CALCRL: variants seen among roughly 807,000 people sequenced by gnomAD.
CALCRL encodes calcitonin gene-related peptide type 1 receptor.
Under a neutral mutation model 60.4 loss-of-function variants are expected in CALCRL, and 27 were observed. That is an observed-to-expected ratio of 0.45 (90% confidence interval 0.33 to 0.62). CALCRL has a LOEUF of 0.62. Ranked by LOEUF, CALCRL falls within the 20% of genes least tolerant of loss-of-function variation. CALCRL has a pLI of 0.03. For missense variants in CALCRL, 424 were observed against 540.7 expected, an observed-to-expected ratio of 0.78 and a Z score of 2.14; for synonymous variants, 190 against 182.6, an observed-to-expected ratio of 1.04 and a Z score of -0.33.
Position 187,351,005 on chromosome 2 carries a change from G to A in CALCRL, c.1170+915C>T, listed in dbSNP as rs200074562. ...ATTTGTATGCATAAGAAATATGTTG[G>A]CTGGGCGCGGTGGCTCACGCCTGTA... On this transcript the variant is annotated intron_variant, in intron 14 of 14. Coordinates refer to ENST00000392370, the MANE Select transcript of CALCRL (RefSeq NM_005795.6). Among the ~76,000 whole-genome samples the A allele has an allele frequency of 5.9e-4, 2 of 3,400 alleles. 1 individual carries two copies. The highest frequency in any genetic ancestry group is 4.6e-3 in the African/African-American group (2 of 434). 2.2% of individuals were successfully genotyped at this position (3,400 alleles called of 152,430 possible).
chr2:187,377,994 G>A (rs2105774029), intron 8 of CALCRL, among the ~76,000 whole-genome samples: 1 of 151,616 alleles, frequency 6.6e-6, no homozygotes, highest in Middle Eastern at 3.4e-3. Flanking sequence ...GGAAGTTGGA[G>A]GAAGAAGGAG....
At chr2:187,352,710 G>A (rs910393570) in intron 12 of CALCRL, among the ~76,000 whole-genome samples, 31 of 151,820 alleles carry the variant, frequency 2.0e-4, no homozygotes, top group Non-Finnish European at 2.9e-5. Flanking sequence ...ATGGAAAAAT[G>A]CTAATTTTTA....
intron 14 of CALCRL, 115 bp from the exon 15 acceptor site, chr2:187,346,514 T>G: frequency 1.5e-6 from 1 of 673,176 alleles, no homozygotes; most frequent in Non-Finnish European, 2.5e-6. Context: ...TAAAAAAAGT[T>G]ATGTTAATCA....
intron 1 of CALCRL, among the ~76,000 whole-genome samples, chr2:187,402,959 T>C (rs1559063393): frequency 6.6e-6 from 1 of 151,558 alleles, no homozygotes; most frequent in Non-Finnish European, 1.5e-5. Flanking sequence ...AACATCCTTA[T>C]GAAAAGAGAA....
intron 8 of CALCRL, among the ~76,000 whole-genome samples, chr2:187,371,597 G>A (rs1687521582): frequency 6.6e-6 from 1 of 152,096 alleles, no homozygotes; most frequent in Non-Finnish European, 1.5e-5. Context: ...ATAGTTAGCT[G>A]TGTTTAAATA....
At chr2:187,396,816 A>T (rs1291776701) in intron 1 of CALCRL, among the ~76,000 whole-genome samples, 1 of 151,816 alleles carries the variant, frequency 6.6e-6, no homozygotes, top group East Asian at 1.9e-4. Flanking sequence ...ATATCGTCTC[A>T]CTGGTTAATG....
At chr2:187,407,832 C>T (rs1359562291) in intron 1 of CALCRL, among the ~76,000 whole-genome samples, 3 of 151,988 alleles carry the variant, frequency 2.0e-5, no homozygotes, top group Admixed American at 6.6e-5. Context: ...TTTAACTAAA[C>T]CTGGGGATTA....
intron 8 of CALCRL, among the ~76,000 whole-genome samples, chr2:187,375,298 A>G (rs944502375): frequency 6.8e-6 from 1 of 145,994 alleles, no homozygotes; most frequent in South Asian, 2.2e-4. Flanking sequence ...AAAAAAAAAA[A>G]TTGAGTTATG....
At chr2:187,357,203 C>T (rs920809656) in intron 12 of CALCRL, among the ~76,000 whole-genome samples, 2 of 151,960 alleles carry the variant, frequency 1.3e-5, no homozygotes, top group Non-Finnish European at 2.9e-5. Flanking sequence ...CACATGTACA[C>T]GTATGTTTTC....
At chr2:187,425,665 G>A (rs1049152408) in intron 1 of CALCRL, among the ~76,000 whole-genome samples, 1 of 151,994 alleles carries the variant, frequency 6.6e-6, no homozygotes, top group East Asian at 1.9e-4. Flanking sequence ...ATTGATAAAC[G>A]TATTTTAAGT....
In CALCRL at chr2:187,359,095, T is replaced by G; in HGVS notation, c.877A>C (p.Ile293Leu). The part of the protein sequence containing the change: ...WISSDTHLLY[I>L]IHGPICAALL... ...GCAGCACAAATTGGGCCATGGATAA[T>G]GTAGAGGAGATGGGTATCAGAACTG... Residue 293 changes from isoleucine (I) to leucine (L), a missense_variant, in exon 12 of 15, where the codon ATT becomes CTT. By Grantham distance (5) the Ile-to-Leu change is conservative. This residue lies in a region of CALCRL where 222 missense variants were observed against 265.6 expected (regional missense o/e 0.84). Transcript: ENST00000392370. 1.2e-6 allele frequency: 2 copies of G among 1,613,320 alleles called. No homozygotes were observed. The highest frequency in any genetic ancestry group is 1.7e-6 in the Non-Finnish European group (2 of 1,179,414).
chr2:187,435,869 C>CGTGTGT (rs59728362), intron 1 of CALCRL, among the ~76,000 whole-genome samples: 3 of 148,484 alleles, frequency 2.0e-5, no homozygotes, highest in African/African-American at 5.0e-5. Context: ...TTTGTGCGTG[C>CGTGTGT]GTGTGTGTGT....
chr2:187,409,042 C>T (rs1347528684), intron 1 of CALCRL, among the ~76,000 whole-genome samples: 3 of 152,152 alleles, frequency 2.0e-5, no homozygotes, highest in Non-Finnish European at 2.9e-5. Context: ...GTCTTTCCTT[C>T]TTCTTCCCTT....
At chr2:187,394,990 A>G (rs1260015478) in intron 1 of CALCRL, among the ~76,000 whole-genome samples, 2 of 152,092 alleles carry the variant, frequency 1.3e-5, no homozygotes, top group Non-Finnish European at 2.9e-5. Flanking sequence ...GTGTTAAATT[A>G]CATGCTAGAT....
chr2:187,401,523 C>A (rs1688886511), intron 1 of CALCRL, among the ~76,000 whole-genome samples: 1 of 151,446 alleles, frequency 6.6e-6, no homozygotes, highest in Non-Finnish European at 1.5e-5. Context: ...TATTGTCTTT[C>A]CTTTGATAAA....
At chr2:187,420,143 A>G (rs966722080) in intron 1 of CALCRL, among the ~76,000 whole-genome samples, 63 of 152,224 alleles carry the variant, frequency 4.1e-4, no homozygotes, top group African/African-American at 1.1e-3. Flanking sequence ...TAGTGCTTGA[A>G]GTAAATCAAA....
At chr2:187,361,124 G>T (rs1687038709) in intron 9 of CALCRL, among the ~76,000 whole-genome samples, 1 of 151,608 alleles carries the variant, frequency 6.6e-6, no homozygotes, top group Non-Finnish European at 1.5e-5. Context: ...GTTACATTCT[G>T]TTGGAAATAA....
At chr2:187,402,010 A>G (rs890863767) in intron 1 of CALCRL, among the ~76,000 whole-genome samples, 15 of 151,478 alleles carry the variant, frequency 9.9e-5, no homozygotes, top group African/African-American at 3.6e-4. Context: ...GAAGGAAGGC[A>G]GGAAGGAAGG....
chr2:187,432,487 T>C (rs144652132), intron 1 of CALCRL, among the ~76,000 whole-genome samples: 1 of 152,216 alleles, frequency 6.6e-6, no homozygotes, highest in Non-Finnish European at 1.5e-5. Flanking sequence ...TCAACAGAGA[T>C]GTTGACCCTC....
Sources: gnomAD v4.1 joint callset for allele counts (sites outside exome capture counted in the v4.1 genomes callset) on GRCh38, gnomAD v4.1.1 for gene constraint, gnomAD v4.1.1 regional missense constraint, MANE v1.5 for transcripts, NCBI Gene and HGNC (gene_info 2026-07-23, HGNC 2026-07-21) for gene names.